FCRL5: variants seen among roughly 807,000 people sequenced by gnomAD.
The protein encoded by FCRL5 is Fc receptor-like protein 5.
FCRL5 carries 79 observed loss-of-function variants against 92.1 expected under a neutral mutation model. The ratio of observed to expected loss-of-function variants is 0.86; its 90% CI spans 0.72 to 1.03. The LOEUF (loss-of-function observed/expected upper bound fraction) is 1.03. Ranked by LOEUF, FCRL5 falls within the 50% of genes least tolerant of loss-of-function variation. The pLI is 0.00. For missense variants in FCRL5, 1,160 were observed against 1,181.1 expected (o/e 0.98, Z 0.26); for synonymous variants, 466 against 469.3 (o/e 0.99, Z 0.09).
chr1:157,549,622 T>A lies in FCRL5; in HGVS notation c.32-42A>T. 3.1e-6 allele frequency: 5 copies of A among 1,590,142 alleles called. No individual in the cohort carries two copies. The South Asian group carries it at 4.6e-5, about 15-fold the overall frequency. On this transcript the variant is annotated intron_variant, in intron 1 of 16. Coordinates refer to ENST00000361835, the MANE Select transcript of FCRL5 (RefSeq NM_031281.3). The stretch of plus-strand genomic sequence containing the variant: ...GCCAGAGATGAGCACAGAACCATGA[T>A]TATTTTGTTTTAAGAAGATAATTCC...
chr1:157,515,265 T>A lies in FCRL5; in HGVS notation c.*410A>T. ...ATGCATCCACCCAAAGCAGGAACTC[T>A]GTGTCGGAGTTTAGGAGCACCTGAG... On this transcript the variant is annotated 3_prime_UTR_variant, in exon 17 of 17. Transcript: ENST00000361835. 3.6e-6 allele frequency: 1 copy of A among 279,958 alleles called. No homozygotes were observed. The highest frequency in any genetic ancestry group is 6.9e-6 in the Non-Finnish European group (1 of 144,670). 17.3% of individuals were successfully genotyped at this position (279,958 alleles called of 1,614,324 possible).
At chr1:157,520,702 C>G (rs1367091879) in intron 11 of FCRL5, 155 bp from the exon 12 acceptor site, 1 of 643,888 alleles carries the variant, frequency 1.6e-6, no homozygotes, top group Admixed American at 3.0e-5. Context: ...TGGCTCCTGT[C>G]TTTGTGAGGA....
chr1:157,527,713 G>A lies in FCRL5; in HGVS notation c.1864C>T (p.Leu622Phe), dbSNP rs771555160. The A allele has an allele frequency of 3.7e-6, 6 of 1,614,096 alleles. No individual in the cohort carries two copies. The highest frequency in any genetic ancestry group is 2.2e-5 in the East Asian group (1 of 44,892). The change falls in exon 9 of 17, where the codon CTC (leucine) becomes TTC (phenylalanine). Residue 622 changes from leucine to phenylalanine, a missense_variant. Leu to Phe is a conservative substitution (Grantham distance 22). Coordinates refer to ENST00000361835, the MANE Select transcript of FCRL5 (RefSeq NM_031281.3). ...CCAGAATGTTCTGCAGTCAGAGAGA[G>A]GTTGAAAGAAGCTTCTCCTCCAGAG... ...APSGGEASFN[L>F]SLTAEHSGNY... is the part of the protein sequence containing the mutation.
At chr1:157,538,137 C>T (rs1208158455) in intron 7 of FCRL5, among the ~76,000 whole-genome samples, 1 of 152,202 alleles carries the variant, frequency 6.6e-6, no homozygotes, top group Non-Finnish European at 1.5e-5. Context: ...TCCCTGTCTC[C>T]ACTTTCCTTG....
chr1:157,539,722 A>G (rs1312046304), intron 6 of FCRL5, among the ~76,000 whole-genome samples: 2 of 152,336 alleles, frequency 1.3e-5, no homozygotes, highest in East Asian at 3.9e-4. Context: ...ATTGCTGCTT[A>G]CAGGAGACAA....
At chr1:157,548,870 A>G (rs1651678627) in intron 2 of FCRL5, among the ~76,000 whole-genome samples, 1 of 152,210 alleles carries the variant, frequency 6.6e-6, no homozygotes, top group South Asian at 2.1e-4. Flanking sequence ...TGTGGAAGTC[A>G]GTGTGGCGAT....
chr1:157,527,797 G>T lies in FCRL5; in HGVS notation c.1780C>A (p.Pro594Thr), dbSNP rs754131012. The T allele has an allele frequency of 3.1e-6, 5 of 1,613,966 alleles. No homozygotes were observed. In the Admixed American group the frequency reaches 5.0e-5, roughly 16 times the overall value. ...ELHCEAPRGSPPILYWFYHED... is the reference protein window; with the variant it reads ...ELHCEAPRGSTPILYWFYHED... ...TGATAAAACCAGTACAGGATTGGGGGAGAGCCTCTCGGGGCCTCACAGTGA... is the reference window on the plus strand; with the variant it reads ...TGATAAAACCAGTACAGGATTGGGGTAGAGCCTCTCGGGGCCTCACAGTGA... The change falls in exon 9 of 17, where the codon CCC becomes ACC. Residue 594 changes from proline to threonine, a missense_variant. Transcript: ENST00000361835.
Position 157,515,762 on chromosome 1 carries a change from A to G in FCRL5, c.2847T>C (p.Gly949=), listed in dbSNP as rs765343325. 6.2e-7 allele frequency: 1 copy of G among 1,609,898 alleles called. No individual in the cohort carries two copies. Among genetic ancestry groups the G allele is most frequent in the Non-Finnish European group, 8.5e-7 (1 of 1,178,540 alleles). The stretch of plus-strand genomic sequence containing the variant: ...TAACTTCAGAGTAGATGATAGGGGA[A>G]CCCTAGGAGGCAAGAGCACATGCGT... ...ASDPRHLRNK[G]SPIIYSEVKV... The change falls in exon 17 of 17, where the codon GGT becomes GGC. Residue 949 remains glycine (G), a splice_region_variant and synonymous_variant. Coordinates refer to ENST00000361835, the MANE Select transcript of FCRL5 (RefSeq NM_031281.3).
At chr1:157,518,396 G>C in intron 15 of FCRL5, 33 bp downstream of exon 15, 1 of 1,574,584 alleles carries the variant, frequency 6.4e-7, no homozygotes, top group Non-Finnish European at 8.7e-7. Context: ...TAAGTTGAGG[G>C]TGGGCCAGAA....
intron 15 of FCRL5, chr1:157,516,203 G>A (rs540312270): frequency 1.4e-5 from 6 of 426,220 alleles, no homozygotes; most frequent in South Asian, 9.9e-5. Flanking sequence ...GGTGTGGTGG[G>A]TGCAAGTTTT....
chr1:157,550,082 G>A (rs1025260712), intron 1 of FCRL5, among the ~76,000 whole-genome samples: 1 of 152,086 alleles, frequency 6.6e-6, no homozygotes, highest in African/African-American at 2.4e-5. Flanking sequence ...GTTAGCATTT[G>A]TGTGTGGTAA....
At chr1:157,549,419 A>T (rs985082765) in intron 2 of FCRL5, 141 bp downstream of exon 2, 2 of 762,482 alleles carry the variant, frequency 2.6e-6, no homozygotes, top group African/African-American at 1.8e-5. Flanking sequence ...CATGTACCCT[A>T]AAACTTAAAG....
chr1:157,525,537 G>A (rs1476791370), intron 9 of FCRL5, among the ~76,000 whole-genome samples: 1 of 152,196 alleles, frequency 6.6e-6, no homozygotes, highest in Non-Finnish European at 1.5e-5. Flanking sequence ...GCAGGGCTGT[G>A]AGATGATCAA....
At position 157,543,182 on chromosome 1, in the gene FCRL5, C is replaced by T. The variant is rs760227188; in HGVS notation, c.845-45G>A. The T allele has an allele frequency of 7.0e-6, 11 of 1,577,364 alleles. No homozygotes were observed. In the Admixed American group the frequency reaches 1.2e-4, roughly 17 times the overall value. On this transcript the variant is annotated intron_variant, in intron 5 of 16. Coordinates refer to ENST00000361835, the MANE Select transcript of FCRL5 (RefSeq NM_031281.3). ...AGTCAAGAATTGCTTTTGCCTCTTA[C>T]TGTAGATTACAAGGCATGGCCAGTG...
rs1014516926 is a variant in FCRL5 at position 157,514,504 on chromosome 1, T to C, written c.*1171A>G. On this transcript the variant is annotated 3_prime_UTR_variant, in exon 17 of 17. Coordinates refer to ENST00000361835, the MANE Select transcript of FCRL5 (RefSeq NM_031281.3). ...GCTGGCCAGGGAGCAGCACGATCCG[T>C]GTGAACCGAGTTGGGCCCTGGGCAG... 6.6e-6 allele frequency: 1 copy of C among 152,226 alleles called. No homozygotes were observed. The highest frequency in any genetic ancestry group is 1.5e-5 in the Non-Finnish European group (1 of 68,070). The allele number at this position is 152,226 out of a possible 1,614,324, so 9.4% of individuals were successfully genotyped here.
At chr1:157,547,247 A>G in intron 2 of FCRL5, 50 bp from the exon 3 acceptor site, 1 of 1,605,558 alleles carries the variant, frequency 6.2e-7, no homozygotes, top group Non-Finnish European at 8.5e-7. Flanking sequence ...CTGCAGACCC[A>G]GCCTCAGGGC....
intron 10 of FCRL5, among the ~76,000 whole-genome samples, chr1:157,523,243 G>T (rs986381021): frequency 1.3e-5 from 2 of 152,196 alleles, no homozygotes; most frequent in African/African-American, 4.8e-5. Flanking sequence ...GCATACCATT[G>T]TATGGTCTCG....
chr1:157,526,963 G>A (rs536751754), intron 9 of FCRL5, among the ~76,000 whole-genome samples: 1 of 152,274 alleles, frequency 6.6e-6, no homozygotes, highest in African/African-American at 2.4e-5. Flanking sequence ...ATGTGACCAT[G>A]AGAGTCATGA....
Position 157,534,611 on chromosome 1 carries a change from T to C in FCRL5, c.1681+3A>G. 1 of 1,614,134 alleles carries C rather than the reference T, an allele frequency of 6.2e-7. No individual in the cohort carries two copies. The highest frequency in any genetic ancestry group is 2.2e-5 in the East Asian group (1 of 44,878). ...GGGTGACTGGCAAGAACCCAGCACT[T>C]ACCAGTGACAAAAAGGCTCACCACT... On this transcript the variant is annotated splice_donor_region_variant and intron_variant, in intron 8 of 16. Transcript: ENST00000361835.
Sources: gnomAD v4.1 joint callset for allele counts (sites outside exome capture counted in the v4.1 genomes callset) on GRCh38, gnomAD v4.1.1 for gene constraint, MANE v1.5 for transcripts, NCBI Gene and HGNC (gene_info 2026-07-23, HGNC 2026-07-21) for gene names.